The following GALNT16 variants were observed in gnomAD, a reference collection of about 807,000 sequenced individuals.
GALNT16 encodes the protein UDP-GalNAc:polypeptide N-acetylgalactosaminyltransferase-like protein 1.
Under a neutral mutation model 76.1 loss-of-function variants are expected in GALNT16, and 40 were observed. That is an observed-to-expected ratio of 0.53 (90% CI 0.41 to 0.68). The LOEUF is 0.68. Ranked by LOEUF, GALNT16 falls within the 30% of genes least tolerant of loss-of-function variation. The probability of loss-of-function intolerance (pLI) is 0.00; values close to 1 mark genes in which losing one functional copy is unlikely to be tolerated. For missense variants in GALNT16, 621 were observed against 731.9 expected, an observed-to-expected ratio of 0.85 and a Z score of 1.75; for synonymous variants, 276 against 285.2, an observed-to-expected ratio of 0.97 and a Z score of 0.32.
chr14:69,363,366 C>T, the GALNT16 span, among the ~76,000 whole-genome samples: 1 of 152,136 alleles, frequency 6.6e-6, no homozygotes, highest in Non-Finnish European at 1.5e-5. Flanking sequence ...GTCTGCCCAG[C>T]AGAGGAGAAA....
chr14:69,300,137 C>T (rs970359908), intron 1 of GALNT16, among the ~76,000 whole-genome samples: 1 of 152,194 alleles, frequency 6.6e-6, no homozygotes, highest in Non-Finnish European at 1.5e-5. Flanking sequence ...AAAGTCAATT[C>T]CAAAATAAGC....
Position 69,320,720 on chromosome 14 carries a change from A to G in GALNT16, c.187A>G (p.Thr63Ala), listed in dbSNP as rs1389922956. Residue 63 changes from threonine (T) to alanine (A), a missense_variant, in exon 2 of 15, where the codon ACT becomes GCT. Coordinates refer to ENST00000448469, the MANE Select transcript of GALNT16 (RefSeq NM_001168368.2). ...CTGACCTTCATCTCAGGTGACAGGA[A>G]CTCCCTCGAAAGGCTTTGATGAGAA... ...DRTIPLIVTG[T>A]PSKGFDEKAY... 1.2e-6 allele frequency: 2 copies of G among 1,613,636 alleles called. No homozygotes were observed. Among genetic ancestry groups the G allele is most frequent in the East Asian group, 2.2e-5 (1 of 44,834 alleles).
intron 1 of GALNT16, among the ~76,000 whole-genome samples, chr14:69,269,646 A>G (rs1216761818): frequency 2.3e-5 from 3 of 132,716 alleles, no homozygotes; most frequent in East Asian, 2.4e-4. Context: ...TGGTGTGTAT[A>G]TGATGTGTGG....
chr14:69,260,136 A>ACCACCCCCCC, upstream of GALNT16: 2 of 113,994 alleles, frequency 1.8e-5, no homozygotes, highest in Admixed American at 9.3e-5. Flanking sequence ...TCTCCCTATC[A>ACCACCCCCCC]CCCCCCCGCC....
intron 1 of GALNT16, among the ~76,000 whole-genome samples, chr14:69,297,648 T>TAC (rs1051398710): frequency 6.7e-6 from 1 of 149,714 alleles, no homozygotes; most frequent in Non-Finnish European, 1.5e-5. Context: ...AAAAACAAAC[T>TAC]ACAAAGAAAA....
intron 1 of GALNT16, among the ~76,000 whole-genome samples, chr14:69,286,506 G>T (rs2044614386): frequency 6.6e-6 from 1 of 152,080 alleles, no homozygotes. Flanking sequence ...GTTTCACCAT[G>T]TTAACCAGGC....
chr14:69,264,014 T>C lies in GALNT16; in HGVS notation c.177+3547T>C, dbSNP rs76479634. ...ACAGCCGGCCTTGAGTCTTCAGTCCTCACAGTTGGCGAGAACATTTGTGGT... is the reference window on the plus strand; with the variant it reads ...ACAGCCGGCCTTGAGTCTTCAGTCCCCACAGTTGGCGAGAACATTTGTGGT... On this transcript the variant is annotated intron_variant, in intron 1 of 14. Transcript: ENST00000448469. 4.0e-3 allele frequency among the ~76,000 whole-genome samples: 604 copies of C among 152,372 alleles called. 5 individuals carry two copies. The highest frequency in any genetic ancestry group is 0.014 in the African/African-American group (584 of 41,592).
the GALNT16 span, among the ~76,000 whole-genome samples, chr14:69,363,630 G>A: frequency 1.2e-4 from 18 of 152,280 alleles, no homozygotes; most frequent in East Asian, 3.1e-3. Context: ...TCCTGCTCAC[G>A]GCTGGATTGC....
chr14:69,275,302 T>C (rs1183360672), intron 1 of GALNT16, among the ~76,000 whole-genome samples: 1 of 152,146 alleles, frequency 6.6e-6, no homozygotes, highest in Non-Finnish European at 1.5e-5. Flanking sequence ...GAGAGCTCTA[T>C]GCAAAGGGAG....
intron 1 of GALNT16, among the ~76,000 whole-genome samples, chr14:69,279,641 C>T (rs942614686): frequency 2.0e-5 from 3 of 152,224 alleles, no homozygotes; most frequent in Non-Finnish European, 4.4e-5. Flanking sequence ...CTGTGGGGGC[C>T]GTGTCAGGGC....
intron 1 of GALNT16, among the ~76,000 whole-genome samples, chr14:69,299,378 A>T (rs539715731): frequency 6.6e-6 from 1 of 152,198 alleles, no homozygotes; most frequent in Admixed American, 6.5e-5. Flanking sequence ...GGAGGTTTGC[A>T]TGCAGCAAGT....
chr14:69,383,624 CAAAT>C, the GALNT16 span, among the ~76,000 whole-genome samples: 21 of 152,222 alleles, frequency 1.4e-4, no homozygotes, highest in African/African-American at 3.6e-4. Flanking sequence ...TAGAAACAAA[CAAAT>C]AGTTACAGGT....
intron 12 of GALNT16, among the ~76,000 whole-genome samples, chr14:69,342,323 C>T (rs1018418176): frequency 1.3e-5 from 2 of 151,376 alleles, no homozygotes; most frequent in East Asian, 1.9e-4. Flanking sequence ...TGGCACACAC[C>T]TATGAGTGGG....
intron 1 of GALNT16, among the ~76,000 whole-genome samples, chr14:69,317,037 C>T (rs537973957): frequency 6.6e-6 from 1 of 152,200 alleles, no homozygotes; most frequent in East Asian, 1.9e-4. Context: ...GTGACATGTG[C>T]CCCTGCTTGA....
chr14:69,380,828 T>C, the GALNT16 span, among the ~76,000 whole-genome samples: 1 of 152,240 alleles, frequency 6.6e-6, no homozygotes, highest in Non-Finnish European at 1.5e-5. Flanking sequence ...TATCACCTAG[T>C]ACAATCTTAT....
At position 69,324,796 on chromosome 14, in the gene GALNT16, T is replaced by C; in HGVS notation, c.434+6T>C. On this transcript the variant is annotated splice_donor_region_variant and intron_variant, in intron 3 of 14. Transcript: ENST00000448469. The stretch of plus-strand genomic sequence containing the variant: ...CTGCTGCGCACAGTGAAGAGGTAAG[T>C]CCAGCCATGGGACTCTCATCTCAGT... 1 of 1,577,026 alleles carries C rather than the reference T, an allele frequency of 6.3e-7. No individual in the cohort carries two copies. Among genetic ancestry groups the C allele is most frequent in the Non-Finnish European group, 8.7e-7 (1 of 1,154,200 alleles).
intron 1 of GALNT16, among the ~76,000 whole-genome samples, chr14:69,285,172 CT>C (rs1323170347): frequency 6.9e-6 from 1 of 144,128 alleles, no homozygotes; most frequent in Non-Finnish European, 1.5e-5. Flanking sequence ...TCTCGAGTAG[CT>C]GGGACTACAG....
chr14:69,364,022 T>C, the GALNT16 span, among the ~76,000 whole-genome samples: 145 of 152,352 alleles, frequency 9.5e-4, no homozygotes, highest in African/African-American at 3.3e-3. The surrounding 1 kb of genome is among the most constrained non-coding windows in gnomAD (Gnocchi z 4.2). Flanking sequence ...GAATGGCCTG[T>C]GCTCTTCTGT....
intron 2 of GALNT16, 125 bp downstream of exon 2, chr14:69,320,993 A>C (rs910635060): frequency 8.8e-6 from 9 of 1,022,288 alleles, no homozygotes; most frequent in African/African-American, 1.6e-5. Context: ...CCAGTGATTT[A>C]GACATTCAAA....
Sources: allele counts gnomAD v4.1 joint callset (sites outside exome capture counted in the v4.1 genomes callset), GRCh38; gene constraint gnomAD v4.1.1; non-coding constraint Gnocchi (gnomAD v3.1); transcripts MANE v1.5; gene names NCBI Gene and HGNC (gene_info 2026-07-23, HGNC 2026-07-21).